Variants in SLC26A7 observed in about 807,000 individuals in gnomAD.
The protein encoded by SLC26A7 is solute carrier family 26 member 7.
A neutral mutation model predicts 82.5 loss-of-function variants in SLC26A7; 59 were observed. That is an observed-to-expected ratio of 0.72 (90% CI 0.58 to 0.89). The LOEUF (loss-of-function observed/expected upper bound fraction) is 0.89. Among genes scored for constraint, SLC26A7 ranks in the 40% least tolerant of loss-of-function variants. SLC26A7 has a pLI of 0.00. For synonymous variants in SLC26A7, 271 were observed against 274.3 expected (o/e 0.99, Z 0.12); for missense variants, 820 against 793.0 (o/e 1.03, Z -0.41).
chr8:91,367,524 A>G (rs1411396943), intron 14 of SLC26A7, among the ~76,000 whole-genome samples: 1 of 152,120 alleles, frequency 6.6e-6, no homozygotes. Context: ...GCTATCTATT[A>G]TCATTTGAAT....
intron 3 of SLC26A7, 61 bp downstream of exon 3, chr8:91,289,307 C>G: frequency 8.1e-7 from 1 of 1,239,676 alleles, no homozygotes; most frequent in Non-Finnish European, 1.2e-6. Context: ...GTGATTATTA[C>G]TGATTACATC....
chr8:91,329,947 A>G (rs1445746030), intron 5 of SLC26A7, among the ~76,000 whole-genome samples: 1 of 152,164 alleles, frequency 6.6e-6, no homozygotes, highest in Non-Finnish European at 1.5e-5. Flanking sequence ...AAATCCTGTG[A>G]ACAGTTATCA....
chr8:91,365,999 T>C lies in SLC26A7; in HGVS notation c.1489-581T>C, dbSNP rs892821870. Among the ~76,000 whole-genome samples the C allele has an allele frequency of 3.3e-5, 5 of 152,210 alleles. No individual in the cohort carries two copies. In the South Asian group the frequency reaches 8.3e-4, roughly 25 times the overall value. Reference sequence around the variant, plus strand: ...TGTTTTGTGTCAAAACTTTTCCTTCTTCCTTTCTATATTGCTCACCACATC... The same window carrying C: ...TGTTTTGTGTCAAAACTTTTCCTTCCTCCTTTCTATATTGCTCACCACATC... On this transcript the variant is annotated intron_variant, in intron 13 of 18. Transcript: ENST00000276609.
intron 2 of SLC26A7, among the ~76,000 whole-genome samples, chr8:91,228,159 G>A (rs565033457): frequency 1.8e-4 from 28 of 152,342 alleles, no homozygotes; most frequent in Non-Finnish European, 3.4e-4. Context: ...TGTCTCATTA[G>A]AGTCAGTGCC....
Position 91,351,855 on chromosome 8 carries a change from G to A in SLC26A7, c.1186G>A (p.Ala396Thr), listed in dbSNP as rs1036717197. The change falls in exon 10 of 19, where the codon GCA (alanine) becomes ACA (threonine). Residue 396 changes from alanine to threonine, a missense_variant. By Grantham distance (58) the Ala-to-Thr change is moderately conservative. Coordinates refer to ENST00000276609, the MANE Select transcript of SLC26A7 (RefSeq NM_052832.4). ...CATTTTCGTCCTTATAGTCATCTAT[G>A]CAATAGGACCTTTGCTTTACTGGCT... ...SCIFVLIVIY[A>T]IGPLLYWLPM... 1.9e-6 allele frequency: 3 copies of A among 1,612,414 alleles called. No individual in the cohort carries two copies. The highest frequency in any genetic ancestry group is 2.7e-5 in the African/African-American group (2 of 74,816).
intron 2 of SLC26A7, among the ~76,000 whole-genome samples, chr8:91,221,582 C>T (rs948819536): frequency 1.3e-5 from 2 of 151,786 alleles, no homozygotes; most frequent in Non-Finnish European, 2.9e-5. Context: ...TTTCAGTGTT[C>T]TGCATATGGC....
intron 16 of SLC26A7, among the ~76,000 whole-genome samples, chr8:91,390,614 T>A (rs1814937102): frequency 6.6e-6 from 1 of 152,134 alleles, no homozygotes; most frequent in African/African-American, 2.4e-5. Context: ...CCAGAGGTTT[T>A]CTTACTCAGA....
In SLC26A7 at chr8:91,397,938, C is replaced by T. The variant is rs1808618755; in HGVS notation, c.*2841C>T. 6.6e-6 allele frequency: 1 copy of T among 152,392 alleles called. No individual in the cohort carries two copies. The highest frequency in any genetic ancestry group is 1.5e-5 in the Non-Finnish European group (1 of 67,912). 9.4% of individuals were successfully genotyped at this position (152,392 alleles called of 1,614,324 possible). On this transcript the variant is annotated 3_prime_UTR_variant, in exon 19 of 19. Coordinates refer to ENST00000276609, the MANE Select transcript of SLC26A7 (RefSeq NM_052832.4). ...ATTCAGTATAGAATATGCTGTTTGG[C>T]AATGAGTTTGTGGCCAGATTTCAAA...
At chr8:91,248,239 C>T (rs963793998), upstream of SLC26A7, among the ~76,000 whole-genome samples, 5 of 152,072 alleles carry the variant, frequency 3.3e-5, no homozygotes, top group Non-Finnish European at 7.4e-5. Context: ...CCCCCCACCC[C>T]GCTGCGTCTC....
Position 91,363,464 on chromosome 8 carries a change from A to G in SLC26A7, c.1422-8A>G. Reference sequence around the variant, plus strand: ...ACTTGTTTTATTTTCTATCTGCTTTAATTTCAGAGCAATGACTGTAAGTAT... The same window carrying G: ...ACTTGTTTTATTTTCTATCTGCTTTGATTTCAGAGCAATGACTGTAAGTAT... On this transcript the variant is annotated splice_polypyrimidine_tract_variant and splice_region_variant and intron_variant, in intron 12 of 18. Transcript: ENST00000276609. 6.8e-7 allele frequency: 1 copy of G among 1,477,128 alleles called. No individual in the cohort carries two copies. Among genetic ancestry groups the G allele is most frequent in the Non-Finnish European group, 9.3e-7 (1 of 1,076,790 alleles). 91.5% of individuals were successfully genotyped at this position (1,477,128 alleles called of 1,614,324 possible).
intron 9 of SLC26A7, chr8:91,344,277 C>A (rs980983768): frequency 6.3e-5 from 56 of 888,508 alleles, no homozygotes; most frequent in Non-Finnish European, 7.4e-5. Context: ...TTACCCAGGT[C>A]ATAGAGGTAG....
chr8:91,322,461 A>C (rs934792821), intron 5 of SLC26A7, among the ~76,000 whole-genome samples: 1 of 152,272 alleles, frequency 6.6e-6, no homozygotes. Context: ...CAAATATTTG[A>C]CCAGTAAGTT....
intron 2 of SLC26A7, among the ~76,000 whole-genome samples, chr8:91,284,225 G>C (rs1364237454): frequency 1.3e-5 from 2 of 152,156 alleles, no homozygotes; most frequent in Non-Finnish European, 2.9e-5. Flanking sequence ...AATAAGGTGG[G>C]TTAGATCATC....
intron 11 of SLC26A7, among the ~76,000 whole-genome samples, chr8:91,360,342 G>C (rs1214944737): frequency 1.3e-5 from 2 of 152,136 alleles, no homozygotes; most frequent in African/African-American, 4.8e-5. Context: ...AATAGGAAGA[G>C]AGCAAGTAGG....
chr8:91,299,227 A>G (rs1812096117), intron 4 of SLC26A7, among the ~76,000 whole-genome samples: 1 of 152,026 alleles, frequency 6.6e-6, no homozygotes, highest in Non-Finnish European at 1.5e-5. Flanking sequence ...TCTGTGATAG[A>G]TGTTGAAAGT....
intron 10 of SLC26A7, 133 bp downstream of exon 10, chr8:91,352,020 T>A: frequency 1.3e-6 from 1 of 748,222 alleles, no homozygotes; most frequent in Non-Finnish European, 2.2e-6. Flanking sequence ...AAAGTTTGAA[T>A]GGGGGAGGTG....
intron 4 of SLC26A7, among the ~76,000 whole-genome samples, chr8:91,314,323 T>C (rs1812571080): frequency 6.6e-6 from 1 of 152,176 alleles, no homozygotes; most frequent in Non-Finnish European, 1.5e-5. Context: ...CTACTTCAGT[T>C]TGAAGATAAA....
upstream of SLC26A7, among the ~76,000 whole-genome samples, chr8:91,247,695 A>G (rs868643758): frequency 1.3e-5 from 2 of 152,124 alleles, no homozygotes; most frequent in African/African-American, 2.4e-5. Context: ...TGATTTAGGT[A>G]CTTCTATTTA....
At chr8:91,304,517 T>A (rs1812251173) in intron 4 of SLC26A7, among the ~76,000 whole-genome samples, 1 of 152,212 alleles carries the variant, frequency 6.6e-6, no homozygotes, top group East Asian at 1.9e-4. Flanking sequence ...TGTGGAACTG[T>A]GAGTCAACTA....
Sources: gnomAD v4.1 joint callset for allele counts (sites outside exome capture counted in the v4.1 genomes callset) on GRCh38, gnomAD v4.1.1 for gene constraint, MANE v1.5 for transcripts, NCBI Gene and HGNC (gene_info 2026-07-23, HGNC 2026-07-21) for gene names.